The following TBX5 variants were observed in gnomAD, a reference collection of about 807,000 sequenced individuals.
TBX5 encodes T-box transcription factor TBX5.
TBX5 carries 8 observed loss-of-function variants against 51.1 expected under a neutral mutation model. That is an observed-to-expected ratio of 0.16 (90% CI 0.09 to 0.28). The LOEUF is 0.28. Ranked by LOEUF, TBX5 falls within the 10% of genes least tolerant of loss-of-function variation. The pLI, the probability that TBX5 is intolerant of heterozygous loss-of-function variation, is 1.00. For synonymous variants in TBX5, 302 were observed against 266.4 expected, an observed-to-expected ratio of 1.13 and a Z score of -1.30; for missense variants, 589 against 671.7, an observed-to-expected ratio of 0.88 and a Z score of 1.36.
chr12:114,369,803 CT>C (rs1263198782), intron 7 of TBX5, among the ~76,000 whole-genome samples: 2 of 151,846 alleles, frequency 1.3e-5, no homozygotes, highest in South Asian at 2.1e-4. Context: ...GGAGCCTGCT[CT>C]TTTTTTAATC....
intron 8 of TBX5, among the ~76,000 whole-genome samples, chr12:114,360,507 GA>G (rs1869176402): frequency 6.6e-6 from 1 of 150,984 alleles, no homozygotes. Context: ...TGGGTGAATG[GA>G]TGGGTGGGTT....
rs570576764 is a variant in TBX5 at position 114,399,370 on chromosome 12, G to A, written c.362+143C>T. Reference sequence around the variant, plus strand: ...TTTGTCTGAGAATGGTTAGTAAAAAGCAATGGGATAGGCGGACAGACGCCT... The same window carrying A: ...TTTGTCTGAGAATGGTTAGTAAAAAACAATGGGATAGGCGGACAGACGCCT... On this transcript the variant is annotated intron_variant, in intron 4 of 8. Coordinates refer to ENST00000405440, the MANE Select transcript of TBX5 (RefSeq NM_181486.4). 370 of 1,194,990 alleles carry A rather than the reference G, an allele frequency of 3.1e-4. 1 individual carries two copies. In the African/African-American group the frequency reaches 5.1e-3, roughly 17 times the overall value. The allele number at this position is 1,194,990 out of a possible 1,614,324, so 74.0% of individuals were successfully genotyped here. A position where few individuals can be genotyped will look rare whatever the true frequency, so the allele number is the denominator to read the frequency against.
At chr12:114,359,046 C>T (rs1869086656) in intron 8 of TBX5, among the ~76,000 whole-genome samples, 1 of 151,914 alleles carries the variant, frequency 6.6e-6, no homozygotes, top group African/African-American at 2.4e-5. Flanking sequence ...GGCAAACTAA[C>T]TATTTTCAAG....
rs757238614 is a variant in TBX5 at position 114,355,125 on chromosome 12, T to C, written c.*407A>G. On this transcript the variant is annotated 3_prime_UTR_variant, in exon 9 of 9. Transcript: ENST00000405440. ...TATTATCATTTATTATATAACAATG[T>C]CAACATTAACACCAAGACAGGGACA... 22 of 271,786 alleles carry C rather than the reference T, an allele frequency of 8.1e-5. No homozygotes were observed. The highest frequency in any genetic ancestry group is 2.6e-4 in the South Asian group (6 of 23,520). 16.8% of individuals were successfully genotyped at this position (271,786 alleles called of 1,614,324 possible).
intron 6 of TBX5, among the ~76,000 whole-genome samples, chr12:114,390,926 C>T (rs1055355525): frequency 2.6e-5 from 4 of 152,150 alleles, no homozygotes; most frequent in Admixed American, 6.6e-5. Context: ...AGCTGTCAAC[C>T]ATCTGGGGAA....
chr12:114,394,773 A>G lies in TBX5; in HGVS notation c.631T>C (p.Phe211Leu). 6.2e-7 allele frequency: 1 copy of G among 1,614,118 alleles called. No homozygotes were observed. The highest frequency in any genetic ancestry group is 8.5e-7 in the Non-Finnish European group (1 of 1,180,020). Residue 211 changes from phenylalanine to leucine, a missense_variant, in exon 6 of 9, where the codon TTT becomes CTT. Physicochemically the swap from Phe to Leu is conservative, Grantham distance 22 (BLOSUM62 0). Around this residue, in one of 7 missense-constraint regions of TBX5, gnomAD observed 17 missense variants for 17.6 expected, o/e 0.96. Transcript: ENST00000405440. ...FCTHVFPETA[F>L]IAVTSYQNHK... ...TTCTGGTAGGAAGTCACTGCTATAAACGCAGTCTCAGGAAAGACGTGAGTG... is the reference window on the plus strand; with the variant it reads ...TTCTGGTAGGAAGTCACTGCTATAAGCGCAGTCTCAGGAAAGACGTGAGTG...
At chr12:114,393,351 C>T (rs532693321) in intron 6 of TBX5, among the ~76,000 whole-genome samples, 22 of 152,210 alleles carry the variant, frequency 1.4e-4, no homozygotes, top group Non-Finnish European at 2.5e-4. Flanking sequence ...CCCACTTTGC[C>T]CTTCCAGAGC....
intron 7 of TBX5, among the ~76,000 whole-genome samples, chr12:114,379,424 T>C (rs1213468938): frequency 6.6e-6 from 1 of 152,150 alleles, no homozygotes; most frequent in Non-Finnish European, 1.5e-5. Flanking sequence ...CCCAATGTGT[T>C]GTTGGGGAAA....
intron 5 of TBX5, among the ~76,000 whole-genome samples, chr12:114,396,960 C>G (rs1871466734): frequency 1.3e-5 from 2 of 152,178 alleles, no homozygotes; most frequent in South Asian, 4.1e-4. Flanking sequence ...CCGAGCGCTC[C>G]AAGCAGGCTG....
At chr12:114,396,229 G>A (rs1871417500) in intron 5 of TBX5, among the ~76,000 whole-genome samples, 3 of 151,786 alleles carry the variant, frequency 2.0e-5, no homozygotes, top group African/African-American at 4.8e-5. Flanking sequence ...ATCTCCGGCC[G>A]CCGTGGCCCG....
chr12:114,371,916 GCTT>G (rs1235875768), intron 7 of TBX5, among the ~76,000 whole-genome samples: 6 of 152,072 alleles, frequency 3.9e-5, no homozygotes, highest in Non-Finnish European at 7.3e-5. Flanking sequence ...ATAATCACTG[GCTT>G]CTTCAAGTCT....
chr12:114,380,507 CT>C (rs1334214905), intron 7 of TBX5, among the ~76,000 whole-genome samples: 1 of 152,188 alleles, frequency 6.6e-6, no homozygotes, highest in African/African-American at 2.4e-5. Context: ...AGAACTCAGT[CT>C]CATTCTGAGC....
At chr12:114,384,629 A>G (rs1870692913) in intron 7 of TBX5, among the ~76,000 whole-genome samples, 1 of 151,538 alleles carries the variant, frequency 6.6e-6, no homozygotes, top group Non-Finnish European at 1.5e-5. Context: ...CTCCCTTTTC[A>G]CATCTTCCAG....
intron 7 of TBX5, among the ~76,000 whole-genome samples, chr12:114,375,510 C>T (rs1870140745): frequency 6.6e-6 from 1 of 151,976 alleles, no homozygotes; most frequent in South Asian, 2.1e-4. Context: ...AGAAGACATA[C>T]AAATAGATAA....
intron 7 of TBX5, among the ~76,000 whole-genome samples, chr12:114,375,794 A>G (rs1870153923): frequency 6.6e-6 from 1 of 152,180 alleles, no homozygotes; most frequent in Non-Finnish European, 1.5e-5. Context: ...CTGTCATCCC[A>G]GCACTTTGGG....
rs778126616 is a variant in TBX5, at chr12:114,366,280, G to A, written c.867C>T (p.Ser289=). ...RALSTSSNLG[S]QYQCENGVSG... is the part of the protein sequence containing the mutation. ...AAACACCATTCTCACACTGGTATTG[G>A]GACCCCAAATTGGATGAGGTGGAGA... Residue 289 remains serine (S), a synonymous_variant, in exon 8 of 9, where the codon TCC becomes TCT. Transcript: ENST00000405440. 1 of 1,614,066 alleles carries A rather than the reference G, an allele frequency of 6.2e-7. No homozygotes were observed. Among genetic ancestry groups the A allele is most frequent in the Non-Finnish European group, 8.5e-7 (1 of 1,180,028 alleles).
chr12:114,402,748 C>A (rs1333917476), intron 2 of TBX5, among the ~76,000 whole-genome samples: 1 of 152,040 alleles, frequency 6.6e-6, no homozygotes, highest in Non-Finnish European at 1.5e-5. Flanking sequence ...CACATACATG[C>A]ACACACAAAC....
chr12:114,354,212 A>C lies in TBX5; in HGVS notation c.*1320T>G, dbSNP rs1451616714. On this transcript the variant is annotated 3_prime_UTR_variant, in exon 9 of 9. Transcript: ENST00000405440. ...TCGAAAGAGGAAAAAAACAAAAAAA[A>C]ACAAAAAAACACAAACTTGGTTTTG... 1 of 152,634 alleles carries C rather than the reference A, an allele frequency of 6.6e-6. No individual in the cohort carries two copies. Among genetic ancestry groups the C allele is most frequent in the Non-Finnish European group, 1.5e-5 (1 of 68,034 alleles). The allele number at this position is 152,634 out of a possible 1,614,324, so 9.5% of individuals were successfully genotyped here.
At chr12:114,404,245 G>C (rs963980630) in intron 1 of TBX5, among the ~76,000 whole-genome samples, 1 of 152,120 alleles carries the variant, frequency 6.6e-6, no homozygotes, top group African/African-American at 2.4e-5. Context: ...CAAGCTGCCC[G>C]TCAAATTTGT....
Sources: allele counts gnomAD v4.1 joint callset (sites outside exome capture counted in the v4.1 genomes callset), GRCh38; gene constraint gnomAD v4.1.1; regional missense constraint gnomAD v4.1.1; transcripts MANE v1.5; gene names NCBI Gene and HGNC (gene_info 2026-07-23, HGNC 2026-07-21).